The following PCM1 variants were observed in gnomAD, a reference collection of about 807,000 sequenced individuals.
PCM1 encodes the protein pericentriolar material 1, also known as pericentriolar material 1 protein.
A neutral mutation model predicts 241.9 loss-of-function variants in PCM1; 157 were observed. That is an observed-to-expected ratio of 0.65 (90% CI 0.57 to 0.74). The LOEUF (loss-of-function observed/expected upper bound fraction) is 0.74, where lower values mean the gene tolerates loss of function less well. Among genes scored for constraint, PCM1 ranks in the 30% least tolerant of loss-of-function variants. PCM1 has a pLI of 0.00. For missense variants in PCM1, 3,478 were observed against 2,360.1 expected (o/e 1.47, Z -9.81); for synonymous variants, 1,085 against 784.9 (o/e 1.38, Z -6.39).
intron 21 of PCM1, 109 bp downstream of exon 21, chr8:17,967,279 A>G: frequency 1.4e-6 from 1 of 724,086 alleles, no homozygotes; most frequent in Non-Finnish European, 2.2e-6. Context: ...TGGGGTAGGA[A>G]ATGTTTGCAA....
rs535432878 is a variant in PCM1 at position 18,024,421 on chromosome 8, AG to A, written c.5842-935del. ...AGTTATGATTCATAATTTCTTAGAA[AG>A]GGGGCTTATAATCTTTGAAAAACGT... On this transcript the variant is annotated intron_variant, in intron 36 of 38. Coordinates refer to ENST00000325083, the MANE Select transcript of PCM1 (RefSeq NM_006197.4). 2.7e-4 allele frequency among the ~76,000 whole-genome samples: 41 copies of A among 152,290 alleles called. 1 individual carries two copies. In the East Asian group the frequency reaches 7.9e-3, roughly 29 times the overall value.
intron 29 of PCM1, among the ~76,000 whole-genome samples, chr8:17,993,926 G>C (rs426503): frequency 6.6e-6 from 1 of 152,044 alleles, no homozygotes; most frequent in African/African-American, 2.4e-5. Context: ...TATAGTAGGT[G>C]TGTATATTTA....
chr8:17,935,394 A>G (rs1157464258), intron 2 of PCM1, among the ~76,000 whole-genome samples, 195 bp from the exon 3 acceptor site: 1 of 152,222 alleles, frequency 6.6e-6, no homozygotes, highest in Non-Finnish European at 1.5e-5. Flanking sequence ...CTGTCATTCC[A>G]ACTACCTAGC....
At chr8:17,935,799 G>GTA (rs2060246700) in intron 3 of PCM1, 93 bp downstream of exon 3, 10 of 657,998 alleles carry the variant, frequency 1.5e-5, no homozygotes, top group Non-Finnish European at 2.5e-5. Context: ...GATGCTCTTT[G>GTA]TATACACTTG....
At chr8:18,015,980 CTGGGTTCAGGTGATTCTCCTGCCTCA>C (rs1564407263) in intron 36 of PCM1, among the ~76,000 whole-genome samples, 1 of 152,220 alleles carries the variant, frequency 6.6e-6, no homozygotes, top group Admixed American at 6.5e-5. Context: ...CCTCTGCCTC[CTGGGTTCAGGTGATTCTCCTGCCTCA>C]GCCTCCCGAG....
rs565255551 is a variant in PCM1 at position 18,015,141 on chromosome 8, A to C, written c.5841+301A>C. On this transcript the variant is annotated intron_variant, in intron 36 of 38. Transcript: ENST00000325083. ...TCCTCCTTTATCCTTTATACTACCT[A>C]TTCTTCTCAACTGTTTAGAATATAT... 9.2e-5 allele frequency among the ~76,000 whole-genome samples: 14 copies of C among 152,172 alleles called. No homozygotes were observed. The South Asian group carries it at 2.9e-3, about 32-fold the overall frequency.
chr8:18,023,697 C>A (rs902722248), intron 36 of PCM1, among the ~76,000 whole-genome samples: 1 of 152,158 alleles, frequency 6.6e-6, no homozygotes, highest in African/African-American at 2.4e-5. Context: ...GGAATCTTTG[C>A]TTAGAGGGAT....
In PCM1 at chr8:17,985,611, G is replaced by A. The variant is rs1407324948; in HGVS notation, c.4273G>A (p.Ala1425Thr). 5 of 1,603,448 alleles carry A rather than the reference G, an allele frequency of 3.1e-6. No individual in the cohort carries two copies. Among genetic ancestry groups the A allele is most frequent in the Non-Finnish European group, 3.4e-6 (4 of 1,174,072 alleles). Residue 1425 changes from alanine (A) to threonine (T), a missense_variant, in exon 25 of 39, where the codon GCA becomes ACA. Transcript: ENST00000325083. ...CTACTTGAGACAGAGGGCTTTATAT[G>A]CATTGCAGGTATCTGGTACCTAACA... ...TDYLRQRALY[A>T]LQDIVSRHIS...
At chr8:18,016,350 G>A (rs929029186) in intron 36 of PCM1, among the ~76,000 whole-genome samples, 1 of 152,146 alleles carries the variant, frequency 6.6e-6, no homozygotes, top group African/African-American at 2.4e-5. Flanking sequence ...TAGAACTCTA[G>A]CAAATTTTAT....
chr8:17,980,594 A>T lies in PCM1; in HGVS notation c.3947A>T (p.Tyr1316Phe). ...QLKSRVKNIRYESASMSSTCE... is the reference protein window; with the variant it reads ...QLKSRVKNIRFESASMSSTCE... ...GTTGTCACTTTTTTTACTCAAGGGTATGAAAGTGCCAGTATGTCTAGCACA... is the reference window on the plus strand; with the variant it reads ...GTTGTCACTTTTTTTACTCAAGGGTTTGAAAGTGCCAGTATGTCTAGCACA... Residue 1316 changes from tyrosine to phenylalanine, a missense_variant, in exon 24 of 39, where the codon TAT becomes TTT. Tyr to Phe is a conservative substitution (Grantham distance 22). Coordinates refer to ENST00000325083, the MANE Select transcript of PCM1 (RefSeq NM_006197.4). The T allele has an allele frequency of 1.3e-6, 2 of 1,588,834 alleles. No individual in the cohort carries two copies. The highest frequency in any genetic ancestry group is 1.7e-6 in the Non-Finnish European group (2 of 1,170,648).
chr8:17,938,579 A>G (rs1050405112), intron 4 of PCM1, among the ~76,000 whole-genome samples, 161 bp from the exon 5 acceptor site: 2 of 152,212 alleles, frequency 1.3e-5, no homozygotes, highest in African/African-American at 4.8e-5. Context: ...TTGTAGTGAA[A>G]GACTGTTACA....
rs1310405014 is a variant in PCM1 at position 17,962,094 on chromosome 8, A to G, written c.2383A>G (p.Thr795Ala). The G allele has an allele frequency of 1.2e-6, 2 of 1,611,938 alleles. No individual in the cohort carries two copies. Among genetic ancestry groups the G allele is most frequent in the Non-Finnish European group, 1.7e-6 (2 of 1,178,694 alleles). The change falls in exon 16 of 39, where the codon ACC becomes GCC. Residue 795 changes from threonine to alanine, a missense_variant. Thr to Ala is a moderately conservative substitution (Grantham distance 58). Transcript: ENST00000325083. Reference protein sequence around the residue: ...TKKYMPAVTSTPTVNQHETST... With the variant: ...TKKYMPAVTSAPTVNQHETST... ...AAAATATATGCCAGCTGTTACTTCA[A>G]CCCCAACTGTTAATCAACACGAGAC...
At position 17,960,001 on chromosome 8, in the gene PCM1, G is replaced by A. The variant is rs752208609; in HGVS notation, c.2041-13G>A. ...GGTATCAAGATTGTTTTAATGTAATGATGCTCTTTCAGGATGATGATGCAG... is the reference window on the plus strand; with the variant it reads ...GGTATCAAGATTGTTTTAATGTAATAATGCTCTTTCAGGATGATGATGCAG... On this transcript the variant is annotated splice_polypyrimidine_tract_variant and intron_variant, in intron 13 of 38. Coordinates refer to ENST00000325083, the MANE Select transcript of PCM1 (RefSeq NM_006197.4). The A allele has an allele frequency of 1.4e-5, 22 of 1,610,612 alleles. No homozygotes were observed. Among genetic ancestry groups the A allele is most frequent in the Non-Finnish European group, 1.7e-5 (20 of 1,178,298 alleles).
intron 10 of PCM1, among the ~76,000 whole-genome samples, chr8:17,956,303 T>G (rs2068452024): frequency 6.6e-6 from 1 of 152,182 alleles, no homozygotes; most frequent in South Asian, 2.1e-4. Flanking sequence ...TAGAAATCTT[T>G]TTGACATCAG....
Position 17,964,854 on chromosome 8 carries a change from G to A in PCM1, c.2855+86G>A, listed in dbSNP as rs557267369. 3,071 of 955,220 alleles carry A rather than the reference G, an allele frequency of 3.2e-3. 54 individuals are homozygous for A. In the African/African-American group the frequency reaches 0.039, roughly 12 times the overall value. The allele number at this position is 955,220 out of a possible 1,614,324, so 59.2% of individuals were successfully genotyped here. ...AGCAAGCACTTCTGCAGTTCTCCAA[G>A]CCAACTGAATGTCCTACAACTCAAT... is the stretch of plus-strand genomic sequence containing the variant. On this transcript the variant is annotated intron_variant, in intron 18 of 38. Coordinates refer to ENST00000325083, the MANE Select transcript of PCM1 (RefSeq NM_006197.4).
chr8:17,998,032 T>A (rs1165178380), intron 29 of PCM1, among the ~76,000 whole-genome samples: 1 of 148,282 alleles, frequency 6.7e-6, no homozygotes, highest in African/African-American at 2.5e-5. Flanking sequence ...CAAGGCTCCG[T>A]CTGAAAAAAA....
intron 29 of PCM1, among the ~76,000 whole-genome samples, chr8:17,999,002 G>A (rs2088083782): frequency 6.6e-6 from 1 of 152,088 alleles, no homozygotes; most frequent in South Asian, 2.1e-4. Context: ...TTTTTAGTCA[G>A]CTTGTGGTGA....
chr8:17,959,131 C>T (rs925633695), intron 13 of PCM1, among the ~76,000 whole-genome samples: 1 of 152,056 alleles, frequency 6.6e-6, no homozygotes. Context: ...TAAAAAAATA[C>T]ATGACGTTTT....
At chr8:17,950,515 G>A (rs1020391775) in intron 7 of PCM1, 100 bp from the exon 8 acceptor site, 2 of 665,558 alleles carry the variant, frequency 3.0e-6, no homozygotes, top group Non-Finnish European at 5.1e-6. Context: ...ACGTATGTGA[G>A]CTTTTTAAAT....
Sources: gnomAD v4.1 joint callset for allele counts (sites outside exome capture counted in the v4.1 genomes callset) on GRCh38, gnomAD v4.1.1 for gene constraint, MANE v1.5 for transcripts, NCBI Gene and HGNC (gene_info 2026-07-23, HGNC 2026-07-21) for gene names.